Variants in TTC39B observed in about 807,000 individuals in gnomAD.
TTC39B encodes tetratricopeptide repeat domain 39B, also known as tetratricopeptide repeat protein 39B.
TTC39B carries 92 observed loss-of-function variants against 96.6 expected under a neutral mutation model. That is an observed-to-expected ratio of 0.95 (90% CI 0.80 to 1.13). TTC39B has a LOEUF of 1.13. Among genes scored for constraint, TTC39B ranks in the 50% most tolerant of loss-of-function variants. The pLI is 0.00. For synonymous variants in TTC39B, 367 were observed against 299.4 expected, an observed-to-expected ratio of 1.23 and a Z score of -2.33; for missense variants, 955 against 809.3, an observed-to-expected ratio of 1.18 and a Z score of -2.18.
At chr9:15,218,892 C>T (rs941998908) in intron 3 of TTC39B, among the ~76,000 whole-genome samples, 16 of 151,976 alleles carry the variant, frequency 1.1e-4, no homozygotes, top group Non-Finnish European at 2.2e-4. Flanking sequence ...AACTAGGCTG[C>T]AGCCTCCCAA....
chr9:15,210,993 G>A (rs1250191673), intron 5 of TTC39B, among the ~76,000 whole-genome samples: 4 of 152,122 alleles, frequency 2.6e-5, no homozygotes, highest in African/African-American at 9.7e-5. Context: ...AGTACCTAAT[G>A]TCATCTACAT....
chr9:15,183,866 G>A (rs967311803), intron 16 of TTC39B, among the ~76,000 whole-genome samples: 1 of 152,140 alleles, frequency 6.6e-6, no homozygotes, highest in African/African-American at 2.4e-5. Flanking sequence ...TCATATTTTT[G>A]TCTTGCTCCG....
At chr9:15,182,360 G>C (rs778195317) in exon 17 of TTC39B, 1 of 1,612,134 alleles carries the variant, frequency 6.2e-7, no homozygotes, top group Non-Finnish European at 8.5e-7. Context: ...CAGATTTTCA[G>C]AAAGGTCTTT....
chr9:15,270,984 C>T (rs1247205865), intron 1 of TTC39B, among the ~76,000 whole-genome samples: 2 of 152,258 alleles, frequency 1.3e-5, no homozygotes, highest in East Asian at 3.9e-4. Flanking sequence ...TGTGTTCCTC[C>T]CAACATACAG....
At chr9:15,183,612 G>C (rs984312083) in intron 16 of TTC39B, among the ~76,000 whole-genome samples, 3 of 152,112 alleles carry the variant, frequency 2.0e-5, no homozygotes, top group Admixed American at 6.5e-5. Flanking sequence ...GTATACACTG[G>C]TATCTAAGTA....
At chr9:15,185,293 A>C in exon 16 of TTC39B, 2 of 1,612,962 alleles carry the variant, frequency 1.2e-6, no homozygotes, top group Middle Eastern at 1.7e-4. Flanking sequence ...GGCAGGTAAG[A>C]TGAGCTTCAC....
At chr9:15,191,355 G>C (rs1818847417) in intron 9 of TTC39B, 100 bp from the exon 10 acceptor site, 4 of 740,190 alleles carry the variant, frequency 5.4e-6, no homozygotes, top group Admixed American at 3.0e-5. Context: ...AATAACATGA[G>C]AAATTGGGAA....
chr9:15,175,004 G>A lies in TTC39B; in HGVS notation c.1958+15C>T, dbSNP rs774028720. On this transcript the variant is annotated intron_variant, in intron 19 of 19. Coordinates refer to ENST00000512701, the Ensembl canonical transcript of TTC39B. Reference sequence around the variant, plus strand: ...ACTCCATAACAATCAAGGAAAAGCTGCCTTCAACACTTACCTTGCAGTTTC... The same window carrying A: ...ACTCCATAACAATCAAGGAAAAGCTACCTTCAACACTTACCTTGCAGTTTC... 37 of 1,563,658 alleles carry A rather than the reference G, an allele frequency of 2.4e-5. No individual in the cohort carries two copies. Among genetic ancestry groups the A allele is most frequent in the Non-Finnish European group, 3.0e-5 (34 of 1,134,492 alleles).
rs910848128 is a variant in TTC39B at position 15,187,719 on chromosome 9, C to T, written c.1395+252G>A. Reference sequence around the variant, plus strand: ...AAGCCATCTTCCTGCCTTAGCCTCCCAAAGGGCTGGGATTACAGGCATGGG... The same window carrying T: ...AAGCCATCTTCCTGCCTTAGCCTCCTAAAGGGCTGGGATTACAGGCATGGG... On this transcript the variant is annotated intron_variant, in intron 14 of 19. Coordinates refer to ENST00000512701, the Ensembl canonical transcript of TTC39B. Among the ~76,000 whole-genome samples, 8 of 152,240 alleles carry T rather than the reference C, an allele frequency of 5.3e-5. No individual in the cohort carries two copies. The South Asian group carries it at 1.0e-3, about 20-fold the overall frequency.
intron 19 of TTC39B, among the ~76,000 whole-genome samples, chr9:15,172,616 A>G (rs1817721445): frequency 6.6e-6 from 1 of 152,178 alleles, no homozygotes; most frequent in South Asian, 2.1e-4. Context: ...TGGTTTGGCC[A>G]ATAATTACAT....
At chr9:15,211,014 T>C (rs994864400) in intron 5 of TTC39B, among the ~76,000 whole-genome samples, 1 of 152,170 alleles carries the variant, frequency 6.6e-6, no homozygotes, top group African/African-American at 2.4e-5. Context: ...TGAGAGATGC[T>C]TGCTGCTAAT....
At chr9:15,177,051 C>T (rs1410751411) in intron 18 of TTC39B, among the ~76,000 whole-genome samples, 1 of 152,160 alleles carries the variant, frequency 6.6e-6, no homozygotes, top group African/African-American at 2.4e-5. Flanking sequence ...AAATTATTAT[C>T]ACGGTGATGG....
At chr9:15,248,028 T>C (rs1334172931) in intron 2 of TTC39B, among the ~76,000 whole-genome samples, 4 of 152,182 alleles carry the variant, frequency 2.6e-5, no homozygotes, top group African/African-American at 9.7e-5. Context: ...ATTTGGAAAA[T>C]GGGAGCATTA....
intron 1 of TTC39B, among the ~76,000 whole-genome samples, chr9:15,301,872 G>A (rs773431222): frequency 3.0e-4 from 46 of 152,000 alleles, no homozygotes; most frequent in Non-Finnish European, 5.4e-4. Context: ...AAAATTCCTG[G>A]GCCAAAAAGC....
At chr9:15,232,652 G>A (rs654202) in intron 2 of TTC39B, among the ~76,000 whole-genome samples, 25,930 of 152,188 alleles carry the variant, frequency 0.17, 2,293 homozygotes, top group Non-Finnish European at 0.2. Context: ...AGAAATGAGG[G>A]AAGAGACTAA....
At chr9:15,303,854 C>T (rs938650551) in intron 1 of TTC39B, among the ~76,000 whole-genome samples, 2 of 152,044 alleles carry the variant, frequency 1.3e-5, no homozygotes, top group South Asian at 2.1e-4. Flanking sequence ...AGGCTGGTCT[C>T]GAACTCCTGA....
intron 1 of TTC39B, among the ~76,000 whole-genome samples, chr9:15,287,273 AAG>A (rs1435123126): frequency 6.6e-6 from 1 of 152,236 alleles, no homozygotes; most frequent in East Asian, 1.9e-4. Flanking sequence ...ATTTCTCATT[AAG>A]AGAGAGGGAG....
At position 15,306,952 on chromosome 9, in the gene TTC39B, C is replaced by T; in HGVS notation, c.240+132G>A. 3 of 1,363,438 alleles carry T rather than the reference C, an allele frequency of 2.2e-6. No individual in the cohort carries two copies. The highest frequency in any genetic ancestry group is 2.8e-5 in the South Asian group (2 of 71,412). 84.5% of individuals were successfully genotyped at this position (1,363,438 alleles called of 1,614,324 possible). On this transcript the variant is annotated intron_variant, in intron 1 of 19. Coordinates refer to ENST00000512701, the Ensembl canonical transcript of TTC39B. This position sits in a 1 kb window ranked among gnomAD's most constrained non-coding sequence, Gnocchi z 5.1. ...ACCAAGGCCGGGCGCCCCCACCCGG[C>T]GCCCGCCAGCCCACCCCAGAGAGGG... is the stretch of plus-strand genomic sequence containing the variant.
chr9:15,213,729 T>A (rs549654606), intron 4 of TTC39B, among the ~76,000 whole-genome samples: 2 of 152,300 alleles, frequency 1.3e-5, no homozygotes, highest in South Asian at 4.2e-4. Context: ...AGAACCCCAA[T>A]AATAGTCTTC....
Sources: allele counts gnomAD v4.1 joint callset (sites outside exome capture counted in the v4.1 genomes callset), GRCh38; gene constraint gnomAD v4.1.1; non-coding constraint Gnocchi (gnomAD v3.1); transcripts MANE v1.5; gene names NCBI Gene and HGNC (gene_info 2026-07-23, HGNC 2026-07-21).